Variants in CRACD observed in about 807,000 individuals in gnomAD.
CRACD encodes capping protein-inhibiting regulator of actin dynamics.
In CRACD, 56 loss-of-function variants were observed where a neutral mutation model predicts 106.8. The ratio of observed to expected loss-of-function variants is 0.52; its 90% CI spans 0.42 to 0.66. The LOEUF is 0.66. Among genes scored for constraint, CRACD ranks in the 30% least tolerant of loss-of-function variants. The pLI is 0.00. For missense variants in CRACD, 1,730 were observed against 1,623.2 expected (o/e 1.07, Z -1.13); for synonymous variants, 754 against 670.8 (o/e 1.12, Z -1.92).
intron 1 of CRACD, among the ~76,000 whole-genome samples, chr4:56,057,731 C>T (rs540536638): frequency 1.4e-5 from 2 of 147,832 alleles, no homozygotes; most frequent in Non-Finnish European, 3.0e-5. Flanking sequence ...TCAAGGGAGT[C>T]TCCTGCCTCA....
intron 1 of CRACD, among the ~76,000 whole-genome samples, chr4:56,071,709 C>G (rs891456850): frequency 1.3e-5 from 2 of 151,964 alleles, no homozygotes; most frequent in African/African-American, 4.8e-5. Flanking sequence ...CAGGGTTTCA[C>G]CATGTTGGCC....
At chr4:56,222,694 C>G (rs1173242555) in intron 2 of CRACD, among the ~76,000 whole-genome samples, 1 of 151,874 alleles carries the variant, frequency 6.6e-6, no homozygotes, top group East Asian at 1.9e-4. Context: ...CCCTGTAATC[C>G]CAGCACTTTG....
chr4:56,103,993 C>T (rs771915308), intron 1 of CRACD, among the ~76,000 whole-genome samples: 1 of 152,170 alleles, frequency 6.6e-6, no homozygotes, highest in Non-Finnish European at 1.5e-5. Flanking sequence ...AGGATGGTCT[C>T]AAACTCCTGA....
rs542417286 is a variant in CRACD at position 56,214,509 on chromosome 4, G to A, written c.-189+35079G>A. Reference sequence around the variant, plus strand: ...TGGGAAGCCGCGGCAGGAGAATCACGTGAACCCGGGAGGCGGAGGTTGCAG... The same window carrying A: ...TGGGAAGCCGCGGCAGGAGAATCACATGAACCCGGGAGGCGGAGGTTGCAG... On this transcript the variant is annotated intron_variant, in intron 2 of 10. Transcript: ENST00000682029. Among the ~76,000 whole-genome samples, 22 of 151,686 alleles carry A rather than the reference G, an allele frequency of 1.5e-4. No individual in the cohort carries two copies. The East Asian group carries it at 2.2e-3, about 15-fold the overall frequency.
chr4:56,316,267 A>T lies in CRACD; in HGVS notation c.2765A>T (p.Glu922Val). 6.2e-7 allele frequency: 1 copy of T among 1,613,964 alleles called. No individual in the cohort carries two copies. Among genetic ancestry groups the T allele is most frequent in the Middle Eastern group, 1.6e-4 (1 of 6,062 alleles). Residue 922 changes from glutamate (E) to valine (V), a missense_variant, in exon 8 of 11, where the codon GAA becomes GTA. Coordinates refer to ENST00000682029, the MANE Select transcript of CRACD (RefSeq NM_001393381.1). ...QAPSTRRDSA[E>V]PSSSRSVPVA... is the part of the protein sequence containing the mutation. ...CCTTCCACCCGGAGGGACTCCGCTG[A>T]ACCTTCCAGCAGCCGCTCTGTTCCT...
chr4:56,306,902 A>AG (rs1458667348), intron 4 of CRACD, among the ~76,000 whole-genome samples: 1 of 152,104 alleles, frequency 6.6e-6, no homozygotes, highest in Non-Finnish European at 1.5e-5. Context: ...TATCCTTTAT[A>AG]GGGTTTTAGT....
intron 1 of CRACD, among the ~76,000 whole-genome samples, chr4:56,079,876 A>G (rs1476997351): frequency 6.6e-6 from 1 of 152,224 alleles, no homozygotes; most frequent in Non-Finnish European, 1.5e-5. Flanking sequence ...CCATTGGGCC[A>G]GTTTAATCAT....
Position 56,315,650 on chromosome 4 carries a change from T to A in CRACD, c.2148T>A (p.Asn716Lys). The A allele has an allele frequency of 6.2e-7, 1 of 1,614,140 alleles. No homozygotes were observed. The highest frequency in any genetic ancestry group is 1.1e-5 in the South Asian group (1 of 91,084). Reference protein sequence around the residue: ...RGNQRKTPPVNAKFSIMPAWQ... With the variant: ...RGNQRKTPPVKAKFSIMPAWQ... ...ACCAACGGAAGACTCCGCCAGTCAATGCAAAGTTCTCTATTATGCCTGCCT... is the reference window on the plus strand; with the variant it reads ...ACCAACGGAAGACTCCGCCAGTCAAAGCAAAGTTCTCTATTATGCCTGCCT... The change falls in exon 8 of 11, where the codon AAT becomes AAA. Residue 716 changes from asparagine (N) to lysine (K), a missense_variant. This residue lies in a region of CRACD where 1,620 missense variants were observed against 1,481.6 expected (regional missense o/e 1.09). Transcript: ENST00000682029. The surrounding 1 kb of genome is among the most constrained non-coding windows in gnomAD (Gnocchi z 4.1).
At chr4:56,264,712 G>A (rs909839856) in intron 2 of CRACD, among the ~76,000 whole-genome samples, 4 of 152,190 alleles carry the variant, frequency 2.6e-5, no homozygotes, top group Non-Finnish European at 4.4e-5. Context: ...AATTATAAGA[G>A]TATTGATTGG....
intron 1 of CRACD, among the ~76,000 whole-genome samples, chr4:56,160,023 C>T (rs970036899): frequency 4.6e-5 from 7 of 151,922 alleles, no homozygotes; most frequent in African/African-American, 1.2e-4. Flanking sequence ...TCAGGTAATT[C>T]GCCCGCCTCG....
chr4:56,293,876 C>T (rs952344561), intron 3 of CRACD, among the ~76,000 whole-genome samples: 7 of 152,148 alleles, frequency 4.6e-5, no homozygotes, highest in Non-Finnish European at 8.8e-5. Context: ...ATCAGTAGAT[C>T]ATGTGTCTTT....
chr4:56,307,445 C>T, intron 4 of CRACD, 90 bp from the exon 5 acceptor site: 2 of 1,262,902 alleles, frequency 1.6e-6, no homozygotes, highest in East Asian at 4.7e-5. Context: ...AGGTATGCCT[C>T]AGTGCTCACT....
chr4:56,189,858 G>A (rs1438445327), intron 2 of CRACD, among the ~76,000 whole-genome samples: 2 of 146,792 alleles, frequency 1.4e-5, no homozygotes, highest in East Asian at 4.1e-4. Context: ...TAGGGTACAT[G>A]TGCACAATGT....
At chr4:56,137,860 A>G (rs570524451) in intron 1 of CRACD, among the ~76,000 whole-genome samples, 87 of 152,306 alleles carry the variant, frequency 5.7e-4, no homozygotes, top group African/African-American at 2.1e-3. Context: ...CTCTAAACAA[A>G]CAAGCAAACA....
chr4:56,199,746 T>A (rs2109471577), intron 2 of CRACD, among the ~76,000 whole-genome samples: 1 of 152,152 alleles, frequency 6.6e-6, no homozygotes, highest in Middle Eastern at 3.4e-3. Context: ...GCCCTTAGTT[T>A]GAAATCTAAC....
At chr4:56,311,012 T>G (rs1745124505) in intron 6 of CRACD, 3 of 405,212 alleles carry the variant, frequency 7.4e-6, no homozygotes. Context: ...CCTCAAAGGA[T>G]CATGTACTTC....
At chr4:56,273,336 C>T (rs963421681) in intron 3 of CRACD, among the ~76,000 whole-genome samples, 8 of 151,272 alleles carry the variant, frequency 5.3e-5, no homozygotes, top group African/African-American at 1.9e-4. Flanking sequence ...TTCCTTCCTC[C>T]CTCCCTACGT....
intron 2 of CRACD, among the ~76,000 whole-genome samples, chr4:56,213,537 C>A (rs965428230): frequency 6.6e-6 from 1 of 152,150 alleles, no homozygotes; most frequent in South Asian, 2.1e-4. Flanking sequence ...GCCCCTACAC[C>A]CCCAATCCCC....
chr4:56,264,250 C>G (rs1459659609), intron 2 of CRACD, among the ~76,000 whole-genome samples: 1 of 152,160 alleles, frequency 6.6e-6, no homozygotes, highest in East Asian at 1.9e-4. Flanking sequence ...GATCACAATT[C>G]AACATGAGAT....
Sources: allele counts gnomAD v4.1 joint callset (sites outside exome capture counted in the v4.1 genomes callset), GRCh38; gene constraint gnomAD v4.1.1; regional missense constraint gnomAD v4.1.1; non-coding constraint Gnocchi (gnomAD v3.1); transcripts MANE v1.5; gene names NCBI Gene and HGNC (gene_info 2026-07-23, HGNC 2026-07-21).